The following DLGAP2 variants were observed in gnomAD, a reference collection of about 807,000 sequenced individuals.
The protein encoded by DLGAP2 is DLG associated protein 2.
Under a neutral mutation model 100.3 loss-of-function variants are expected in DLGAP2, and 26 were observed. The ratio of observed to expected loss-of-function variants is 0.26; its 90% CI spans 0.19 to 0.36. The LOEUF (loss-of-function observed/expected upper bound fraction) is 0.36. Ranked by LOEUF, DLGAP2 falls within the 10% of genes least tolerant of loss-of-function variation. The pLI is 1.00. For synonymous variants in DLGAP2, 886 were observed against 630.1 expected, an observed-to-expected ratio of 1.41 and a Z score of -6.08; for missense variants, 1,858 against 1,453.2, an observed-to-expected ratio of 1.28 and a Z score of -4.53.
chr8:1,673,391 C>T (rs1798736914), intron 10 of DLGAP2, among the ~76,000 whole-genome samples: 1 of 152,190 alleles, frequency 6.6e-6, no homozygotes, highest in South Asian at 2.1e-4. Context: ...CCTCTCTATG[C>T]CCAGGATTTC....
At chr8:771,912 T>C (rs1337910697) in intron 1 of DLGAP2, among the ~76,000 whole-genome samples, 6 of 152,230 alleles carry the variant, frequency 3.9e-5, no homozygotes, top group Non-Finnish European at 8.8e-5. Context: ...TATTTCATTT[T>C]ATTTTTTTAG....
At chr8:1,037,660 C>T (rs1272384583) in intron 2 of DLGAP2, among the ~76,000 whole-genome samples, 1 of 152,254 alleles carries the variant, frequency 6.6e-6, no homozygotes, top group Non-Finnish European at 1.5e-5. Flanking sequence ...AGCAGTGGCT[C>T]TGCCCTTGCT....
chr8:770,593 C>G (rs1585844731), intron 1 of DLGAP2, among the ~76,000 whole-genome samples: 2 of 152,138 alleles, frequency 1.3e-5, no homozygotes, highest in East Asian at 3.9e-4. Context: ...TCTGTGGGCT[C>G]CGAACAATTT....
chr8:1,596,449 C>G (rs768612674), intron 6 of DLGAP2, among the ~76,000 whole-genome samples: 3 of 152,216 alleles, frequency 2.0e-5, no homozygotes, highest in African/African-American at 7.2e-5. Flanking sequence ...AATCACCACA[C>G]GGTCTTCCAG....
chr8:1,559,761 G>C (rs1307547032), intron 5 of DLGAP2, among the ~76,000 whole-genome samples: 1 of 152,170 alleles, frequency 6.6e-6, no homozygotes, highest in Admixed American at 6.5e-5. Context: ...CTCCCTTCCC[G>C]AACTGAGCTT....
chr8:829,723 G>T (rs528568844), intron 1 of DLGAP2, among the ~76,000 whole-genome samples: 1 of 152,168 alleles, frequency 6.6e-6, no homozygotes, highest in South Asian at 2.1e-4. Context: ...TTGACATTTT[G>T]GTTTACTTTC....
intron 3 of DLGAP2, among the ~76,000 whole-genome samples, chr8:1,466,371 T>TC (rs1395282607): frequency 1.3e-5 from 2 of 151,846 alleles, no homozygotes; most frequent in East Asian, 1.9e-4. Context: ...AGGAGACATT[T>TC]CCCCCCTCCC....
At chr8:1,687,261 T>C (rs1340142379) in intron 12 of DLGAP2, among the ~76,000 whole-genome samples, 1 of 152,208 alleles carries the variant, frequency 6.6e-6, no homozygotes, top group Admixed American at 6.5e-5. Flanking sequence ...CAAATTTAGA[T>C]AGAATTGGAA....
At position 1,235,336 on chromosome 8, in the gene DLGAP2, C is replaced by T. The variant is rs1458081732; in HGVS notation, c.74-23515C>T. ...TGTCTAGTTCTCTCTCACATGGCGC[C>T]GTGTCTAGTTATCTCACACGTGGCG... On this transcript the variant is annotated intron_variant, in intron 2 of 14. Transcript: ENST00000637795. 1.1e-4 allele frequency among the ~76,000 whole-genome samples: 16 copies of T among 149,726 alleles called. 1 individual carries two copies. The highest frequency in any genetic ancestry group is 3.4e-4 in the African/African-American group (14 of 40,640).
chr8:1,367,594 A>G (rs1370968229), intron 3 of DLGAP2, among the ~76,000 whole-genome samples: 1 of 152,236 alleles, frequency 6.6e-6, no homozygotes, highest in African/African-American at 2.4e-5. Context: ...ATTCTAAAAC[A>G]TCAGGAAAGG....
At position 1,321,958 on chromosome 8, in the gene DLGAP2, G is replaced by A. The variant is rs192799888; in HGVS notation, c.106+63075G>A. Among the ~76,000 whole-genome samples the A allele has an allele frequency of 2.8e-3, 432 of 152,158 alleles. 3 individuals carry two copies. Among genetic ancestry groups the A allele is most frequent in the African/African-American group, 9.8e-3 (406 of 41,512 alleles). ...ATACAGGCATTTAATTTTATGTTGT[G>A]GTTTAAAATCTAGCTTAAGCCCTGA... On this transcript the variant is annotated intron_variant, in intron 3 of 14. Coordinates refer to ENST00000637795, the MANE Select transcript of DLGAP2 (RefSeq NM_001346810.2).
intron 2 of DLGAP2, among the ~76,000 whole-genome samples, chr8:1,173,663 T>A (rs1201881642): frequency 6.6e-6 from 1 of 152,198 alleles, no homozygotes; most frequent in African/African-American, 2.4e-5. Context: ...CAAGACGTTA[T>A]GGGCGTAGGA....
chr8:916,075 C>T (rs1037327812), intron 2 of DLGAP2, among the ~76,000 whole-genome samples: 6 of 152,048 alleles, frequency 3.9e-5, no homozygotes, highest in African/African-American at 7.3e-5. Flanking sequence ...TCAGTTCACC[C>T]GTCCGTCCAT....
chr8:1,505,303 G>T (rs1244388048), intron 4 of DLGAP2, among the ~76,000 whole-genome samples: 1 of 152,144 alleles, frequency 6.6e-6, no homozygotes, highest in African/African-American at 2.4e-5. Flanking sequence ...AAATGCTGTG[G>T]GACATTTTAC....
At chr8:1,243,131 C>G (rs1798834002) in intron 2 of DLGAP2, among the ~76,000 whole-genome samples, 1 of 152,148 alleles carries the variant, frequency 6.6e-6, no homozygotes. Flanking sequence ...GGGCGGTTAC[C>G]CTGAGCACTG....
At chr8:947,107 G>T (rs891493829) in intron 2 of DLGAP2, among the ~76,000 whole-genome samples, 1 of 152,184 alleles carries the variant, frequency 6.6e-6, no homozygotes, top group Non-Finnish European at 1.5e-5. Flanking sequence ...CCCTGGCTCC[G>T]GGTGCGCCCG....
intron 2 of DLGAP2, among the ~76,000 whole-genome samples, chr8:1,214,968 C>G (rs531334551): frequency 1.8e-4 from 28 of 152,324 alleles, no homozygotes; most frequent in Middle Eastern, 3.4e-3. Flanking sequence ...GCAGTGCAAT[C>G]TCGTTTCGGG....
At chr8:1,041,855 CT>C (rs1802362597) in intron 2 of DLGAP2, among the ~76,000 whole-genome samples, 1 of 152,160 alleles carries the variant, frequency 6.6e-6, no homozygotes, top group African/African-American at 2.4e-5. Flanking sequence ...TCTCCGAGCC[CT>C]TTGCCGTGGG....
At chr8:1,087,202 C>G (rs78635503) in intron 2 of DLGAP2, among the ~76,000 whole-genome samples, 3,517 of 152,130 alleles carry the variant, frequency 0.023, 67 homozygotes, top group South Asian at 0.061. Context: ...TCATGCGTAC[C>G]GAAACATATG....
Sources: gnomAD v4.1 joint callset for allele counts (sites outside exome capture counted in the v4.1 genomes callset) on GRCh38, gnomAD v4.1.1 for gene constraint, MANE v1.5 for transcripts, NCBI Gene and HGNC (gene_info 2026-07-23, HGNC 2026-07-21) for gene names.